The following TTC14 variants were observed in gnomAD, a reference collection of about 807,000 sequenced individuals.
The protein encoded by TTC14 is tetratricopeptide repeat domain 14.
Under a neutral mutation model 79.9 loss-of-function variants are expected in TTC14, and 63 were observed. The ratio of observed to expected loss-of-function variants is 0.79; its 90% CI spans 0.64 to 0.97. The LOEUF is 0.97. TTC14 is among the 50% of genes least tolerant of loss of function. The pLI, the probability that TTC14 is intolerant of heterozygous loss-of-function variation, is 0.00. For missense variants in TTC14, 895 were observed against 894.0 expected (o/e 1.00, Z -0.01); for synonymous variants, 335 against 309.6 (o/e 1.08, Z -0.86).
chr3:180,602,564 G>C (rs1716424140), intron 1 of TTC14, 142 bp downstream of exon 1: 1 of 1,161,888 alleles, frequency 8.6e-7, no homozygotes, highest in African/African-American at 1.6e-5. Context: ...TCTTGGGCTG[G>C]GTGGACGGGG....
At chr3:180,606,192 C>T in intron 7 of TTC14, 61 bp from the exon 8 acceptor site, 2 of 1,593,584 alleles carry the variant, frequency 1.3e-6, no homozygotes, top group Non-Finnish European at 1.7e-6. Context: ...CTTATTCACA[C>T]TAACATTTTA....
In TTC14 at chr3:180,610,571, A is replaced by G; in HGVS notation, c.*29A>G. ...ACCAAGGATATCGGCACCATTACAC[A>G]AAATGCCATTAAGTGAAGTTTTTGG... On this transcript the variant is annotated 3_prime_UTR_variant, in exon 12 of 12. Coordinates refer to ENST00000296015, the MANE Select transcript of TTC14 (RefSeq NM_133462.4). The G allele has an allele frequency of 6.5e-7, 1 of 1,527,336 alleles. No homozygotes were observed. The highest frequency in any genetic ancestry group is 8.7e-7 in the Non-Finnish European group (1 of 1,145,554). 94.6% of individuals were successfully genotyped at this position (1,527,336 alleles called of 1,614,324 possible). A position where few individuals can be genotyped will look rare whatever the true frequency, so the allele number is the denominator to read the frequency against.
At chr3:180,611,658 G>GAGAC (rs1472653933), downstream of TTC14, among the ~76,000 whole-genome samples, 1 of 152,158 alleles carries the variant, frequency 6.6e-6, no homozygotes, top group Non-Finnish European at 1.5e-5. Context: ...TATTCTTTGG[G>GAGAC]AGACAGATAG....
chr3:180,615,684 G>A (rs1011355138), downstream of TTC14, among the ~76,000 whole-genome samples: 1 of 152,070 alleles, frequency 6.6e-6, no homozygotes. Context: ...AGTAGCTGCT[G>A]AATGCAGGAG....
chr3:180,606,743 G>A, intron 9 of TTC14, 140 bp downstream of exon 9: 1 of 1,073,856 alleles, frequency 9.3e-7, no homozygotes, highest in Non-Finnish European at 1.3e-6. Flanking sequence ...AAGTACAAGA[G>A]ATTAGGCAAA....
Position 180,609,846 on chromosome 3 carries a change from TC to T in TTC14, c.1619del (p.Pro540GlnfsTer32), listed in dbSNP as rs754853786. 1.2e-6 allele frequency: 2 copies of T among 1,613,678 alleles called. No individual in the cohort carries two copies. The highest frequency in any genetic ancestry group is 1.7e-6 in the Non-Finnish European group (2 of 1,179,860). On this transcript the variant is annotated frameshift_variant, in exon 12 of 12. Transcript: ENST00000296015. LOFTEE classifies it high-confidence loss of function. ...QNRKDECYPV[P>X]ANTSASFLNH... ...ATAGGAAAGATGAGTGCTACCCAGT[TC>T]CAGCTAATACTTCAGCATCTTTTCT... is the stretch of plus-strand genomic sequence containing the variant.
Position 180,604,962 on chromosome 3 carries a change from G to T in TTC14, c.812G>T (p.Gly271Val). 1 of 1,613,944 alleles carries T rather than the reference G, an allele frequency of 6.2e-7. No homozygotes were observed. The highest frequency in any genetic ancestry group is 8.5e-7 in the Non-Finnish European group (1 of 1,179,952). ...GTTGAATTCCTTCTAGAAAAACTAG[G>T]AATAGATGAATCTAATCCACCATCT... Reference protein sequence around the residue: ...GVVEFLLEKLGIDESNPPSLM... With the variant: ...GVVEFLLEKLVIDESNPPSLM... Residue 271 changes from glycine to valine, a missense_variant, in exon 6 of 12, where the codon GGA becomes GTA. By Grantham distance (109) the Gly-to-Val change is moderately radical. Transcript: ENST00000296015.
In TTC14 at chr3:180,610,551, G is replaced by C; in HGVS notation, c.*9G>C. ...ATAAGTCAAAAAATTAATACACCAAGGATATCGGCACCATTACACAAAATG... is the reference window on the plus strand; with the variant it reads ...ATAAGTCAAAAAATTAATACACCAACGATATCGGCACCATTACACAAAATG... On this transcript the variant is annotated 3_prime_UTR_variant, in exon 12 of 12. Coordinates refer to ENST00000296015, the MANE Select transcript of TTC14 (RefSeq NM_133462.4). The C allele has an allele frequency of 6.5e-7, 1 of 1,549,714 alleles. No individual in the cohort carries two copies. Among genetic ancestry groups the C allele is most frequent in the Non-Finnish European group, 8.7e-7 (1 of 1,155,590 alleles).
downstream of TTC14, chr3:180,615,023 C>T (rs1717177203): frequency 6.4e-7 from 1 of 1,558,066 alleles, no homozygotes; most frequent in Non-Finnish European, 8.7e-7. Flanking sequence ...GGAATTTAAG[C>T]TCCAGTACTT....
chr3:180,617,271 A>G (rs1717280800), intron 12 of TTC14: 1 of 468,788 alleles, frequency 2.1e-6, no homozygotes, highest in Non-Finnish European at 3.7e-6. Flanking sequence ...CCAGTCATAT[A>G]AAAGTCTAGC....
chr3:180,609,211 C>T (rs1214582309), intron 11 of TTC14: 10 of 681,470 alleles, frequency 1.5e-5, no homozygotes, highest in Non-Finnish European at 1.8e-5. Context: ...GTCAGGGATG[C>T]TCTTAAACAT....
Position 180,605,793 on chromosome 3 carries a change from T to C in TTC14, c.885T>C (p.Ala295=). Reference sequence around the variant, plus strand: ...AAAATTTCTCTGAAGATGATTTTGCTTCTGCATTGAGAAAAAAACAATCCG... The same window carrying C: ...AAAATTTCTCTGAAGATGATTTTGCCTCTGCATTGAGAAAAAAACAATCCG... ...QSKNFSEDDF[A]SALRKKQSAS... is the part of the protein sequence containing the mutation. Residue 295 remains alanine (A), a synonymous_variant, in exon 7 of 12, where the codon GCT becomes GCC. Transcript: ENST00000296015. 3 of 1,569,634 alleles carry C rather than the reference T, an allele frequency of 1.9e-6. No individual in the cohort carries two copies. The highest frequency in any genetic ancestry group is 2.6e-6 in the Non-Finnish European group (3 of 1,167,738).
In TTC14 at chr3:180,607,707, T is replaced by C; in HGVS notation, c.1232T>C (p.Leu411Ser). The change falls in exon 10 of 12, where the codon TTG (leucine) becomes TCG (serine). Residue 411 changes from leucine (L) to serine (S), a missense_variant. Leu to Ser is a moderately radical substitution (Grantham distance 145). Coordinates refer to ENST00000296015, the MANE Select transcript of TTC14 (RefSeq NM_133462.4). ...AGTTACTATAAGAAAGCTTTGGCTT[T>C]GGATGAGACTTTTAAAGATGCAGAG... ...AESYYKKALA[L>S]DETFKDAEDA... The C allele has an allele frequency of 6.2e-7, 1 of 1,612,542 alleles. No homozygotes were observed.
downstream of TTC14, chr3:180,611,254 C>T (rs2108400140): frequency 2.5e-6 from 2 of 800,432 alleles, no homozygotes; most frequent in African/African-American, 1.9e-5. Flanking sequence ...AGCTTTTTAA[C>T]TTTAAATATT....
At position 180,603,241 on chromosome 3, in the gene TTC14, C is replaced by T; in HGVS notation, c.404C>T (p.Ser135Phe). ...RGDIVIGRISSIREFGFFMVL... is the reference protein window; with the variant it reads ...RGDIVIGRISFIREFGFFMVL... ...GATATAGTGATTGGAAGAATTAGTT[C>T]TATTCGGGAATTCGGTTTTTTCATG... is the stretch of plus-strand genomic sequence containing the variant. The change falls in exon 3 of 12, where the codon TCT becomes TTT. Residue 135 changes from serine (S) to phenylalanine (F), a missense_variant. Ser to Phe is a radical substitution (Grantham distance 155, BLOSUM62 -2). Coordinates refer to ENST00000296015, the MANE Select transcript of TTC14 (RefSeq NM_133462.4). 6.2e-7 allele frequency: 1 copy of T among 1,613,930 alleles called. No individual in the cohort carries two copies. The highest frequency in any genetic ancestry group is 1.1e-5 in the South Asian group (1 of 91,072).
Position 180,603,183 on chromosome 3 carries a change from A to T in TTC14, c.346A>T (p.Arg116Ter). ...CATGGAGATACCTAGTATGGATCGG[A>T]GAGAGCTGTTTTTCCGAGATATTGA... is the stretch of plus-strand genomic sequence containing the variant. ...QFMEIPSMDR[R>*]ELFFRDIERG... Residue 116 changes from arginine to a stop codon, truncating the protein, a stop_gained, in exon 3 of 12, where the codon AGA (arginine) becomes TGA (stop). Transcript: ENST00000296015. LOFTEE classifies it high-confidence loss of function. 1 of 1,614,006 alleles carries T rather than the reference A, an allele frequency of 6.2e-7. No individual in the cohort carries two copies. The highest frequency in any genetic ancestry group is 8.5e-7 in the Non-Finnish European group (1 of 1,180,000).
downstream of TTC14, chr3:180,611,255 T>A (rs114826055): frequency 1.0e-3 from 782 of 784,660 alleles, 6 homozygotes; most frequent in African/African-American, 0.013. Flanking sequence ...GCTTTTTAAC[T>A]TTAAATATTT....
chr3:180,605,624 A>G (rs555454148), intron 6 of TTC14, 142 bp from the exon 7 acceptor site: 22 of 616,124 alleles, frequency 3.6e-5, no homozygotes, highest in Non-Finnish European at 3.5e-5. Context: ...CGAAAGTTCA[A>G]AGATTTTGGT....
chr3:180,609,059 T>C (rs1380071955), intron 11 of TTC14: 1 of 954,778 alleles, frequency 1.0e-6, no homozygotes, highest in African/African-American at 1.7e-5. Flanking sequence ...ACTTTAATTA[T>C]GTTTTAGGAA....
Sources: allele counts gnomAD v4.1 joint callset (sites outside exome capture counted in the v4.1 genomes callset), GRCh38; gene constraint gnomAD v4.1.1; transcripts MANE v1.5; gene names NCBI Gene and HGNC (gene_info 2026-07-23, HGNC 2026-07-21).